EYS: variants seen among roughly 807,000 people sequenced by gnomAD.
The protein encoded by EYS is EGF-like photoreceptor maintenance factor.
In EYS, 250 loss-of-function variants were observed where a neutral mutation model predicts 282.1. The ratio of observed to expected loss-of-function variants is 0.89; its 90% CI spans 0.80 to 0.98. EYS has a LOEUF of 0.98. Among genes scored for constraint, EYS ranks in the 50% least tolerant of loss-of-function variants. The pLI, the probability that EYS is intolerant of heterozygous loss-of-function variation, is 0.00. For missense variants in EYS, 4,016 were observed against 3,709.0 expected, an observed-to-expected ratio of 1.08 and a Z score of -2.15; for synonymous variants, 1,355 against 1,282.9, an observed-to-expected ratio of 1.06 and a Z score of -1.20.
intron 26 of EYS, among the ~76,000 whole-genome samples, chr6:64,444,195 A>G (rs2150471180): frequency 6.6e-6 from 1 of 152,140 alleles, no homozygotes; most frequent in East Asian, 1.9e-4. Flanking sequence ...TTGTTTTCTA[A>G]TCTTTATTTT....
intron 29 of EYS, among the ~76,000 whole-genome samples, chr6:64,308,754 T>A (rs999807520): frequency 6.6e-6 from 1 of 152,028 alleles, no homozygotes; most frequent in Non-Finnish European, 1.5e-5. Context: ...AGGCTCAAAT[T>A]TACTGCAAAG....
chr6:65,204,540 A>G (rs1489349119), intron 12 of EYS, among the ~76,000 whole-genome samples: 2 of 151,992 alleles, frequency 1.3e-5, no homozygotes, highest in African/African-American at 4.8e-5. Flanking sequence ...TGCTCAAAAG[A>G]GTTCTAAACA....
intron 26 of EYS, among the ~76,000 whole-genome samples, chr6:64,466,090 A>T (rs899105569): frequency 1.3e-5 from 2 of 152,112 alleles, no homozygotes; most frequent in Admixed American, 1.3e-4. Context: ...TATCTAAAAG[A>T]TGAAAGATAA....
chr6:64,542,913 C>T (rs1031381263), intron 26 of EYS, among the ~76,000 whole-genome samples: 1 of 151,944 alleles, frequency 6.6e-6, no homozygotes, highest in Non-Finnish European at 1.5e-5. Flanking sequence ...TTTAATTTTA[C>T]CAAGAAACTC....
chr6:64,410,120 G>A (rs1407435110), intron 28 of EYS, among the ~76,000 whole-genome samples: 1 of 151,980 alleles, frequency 6.6e-6, no homozygotes, highest in Non-Finnish European at 1.5e-5. Flanking sequence ...GATAAAAAAA[G>A]AGATTCAGGG....
At chr6:63,965,313 C>G in intron 35 of EYS, among the ~76,000 whole-genome samples, 1 of 152,190 alleles carries the variant, frequency 6.6e-6, no homozygotes, top group South Asian at 2.1e-4. Context: ...CTTTGTGCAG[C>G]TGGCAGAAGA....
chr6:63,960,152 A>T (rs1038635567), intron 35 of EYS, among the ~76,000 whole-genome samples: 1 of 152,176 alleles, frequency 6.6e-6, no homozygotes, highest in African/African-American at 2.4e-5. Context: ...CATTAAGAAC[A>T]TCCATGGTTC....
In EYS at chr6:64,780,601, G is replaced by A. The variant is rs369189922; in HGVS notation, c.3443+32777C>T. ...TTATTGGGCGATGGATGCATTAGAA[G>A]CCAAACCTCACCATTATGCAATATA... On this transcript the variant is annotated intron_variant, in intron 22 of 42. Coordinates refer to ENST00000503581, the MANE Select transcript of EYS (RefSeq NM_001142800.2). Among the ~76,000 whole-genome samples the A allele has an allele frequency of 1.2e-3, 178 of 152,178 alleles. 1 individual carries two copies. Among genetic ancestry groups the A allele is most frequent in the African/African-American group, 3.9e-3 (162 of 41,518 alleles).
chr6:64,686,811 A>ATATATATGTGTATATATATACGTG (rs1562133883), intron 22 of EYS, among the ~76,000 whole-genome samples: 5 of 31,994 alleles, frequency 1.6e-4, no homozygotes, highest in Admixed American at 6.3e-4. Context: ...ATATGTGTGT[A>ATATATATGTGTATATATATACGTG]TATATATATG....
chr6:65,041,742 T>C lies in EYS; in HGVS notation c.2137+15872A>G, dbSNP rs1471665542. 4.6e-5 allele frequency among the ~76,000 whole-genome samples: 7 copies of C among 151,640 alleles called. No individual in the cohort carries two copies. In the South Asian group the frequency reaches 1.4e-3, roughly 31 times the overall value. On this transcript the variant is annotated intron_variant, in intron 13 of 42. Coordinates refer to ENST00000503581, the MANE Select transcript of EYS (RefSeq NM_001142800.2). ...TGAAATCTTAGCCTAGTTAATAAGG[T>C]CATGCTGTATATTTTCTATCTTTCA...
intron 26 of EYS, among the ~76,000 whole-genome samples, chr6:64,494,070 C>G (rs1776817455): frequency 6.6e-6 from 1 of 151,502 alleles, no homozygotes; most frequent in African/African-American, 2.4e-5. Flanking sequence ...CTTATTCACA[C>G]AGTGCTAGAA....
chr6:64,785,866 C>A (rs1562190803), intron 22 of EYS, among the ~76,000 whole-genome samples: 1 of 152,136 alleles, frequency 6.6e-6, no homozygotes, highest in Non-Finnish European at 1.5e-5. Flanking sequence ...TCAAGAATAG[C>A]AAATCCAGGT....
chr6:64,941,651 C>G (rs969289434), intron 15 of EYS, among the ~76,000 whole-genome samples: 7 of 151,986 alleles, frequency 4.6e-5, no homozygotes, highest in Non-Finnish European at 8.8e-5. Context: ...TATTACTGCC[C>G]TCTTTATGTC....
At chr6:64,295,458 A>G (rs149565268) in intron 30 of EYS, among the ~76,000 whole-genome samples, 1,465 of 23,020 alleles carry the variant, frequency 0.064, 1 homozygote, top group Middle Eastern at 0.095. Context: ...GAAGAAGAAG[A>G]AGAAGAAGAA....
At chr6:65,406,380 T>C (rs1766742149) in intron 5 of EYS, among the ~76,000 whole-genome samples, 1 of 152,226 alleles carries the variant, frequency 6.6e-6, no homozygotes, top group Non-Finnish European at 1.5e-5. Context: ...TGTTGACATT[T>C]GGATAGCAAA....
chr6:64,697,239 A>G (rs1472505534), intron 22 of EYS, among the ~76,000 whole-genome samples: 2 of 152,198 alleles, frequency 1.3e-5, no homozygotes, highest in Admixed American at 1.3e-4. Flanking sequence ...AATGAAAACT[A>G]AAAGAAGCTA....
At chr6:64,804,676 C>A (rs553560833) in intron 22 of EYS, among the ~76,000 whole-genome samples, 31 of 152,086 alleles carry the variant, frequency 2.0e-4, no homozygotes, top group Non-Finnish European at 3.5e-4. Context: ...ACTAAAGCAA[C>A]CTATGTTTGA....
chr6:65,480,936 T>C (rs991986430), intron 5 of EYS, among the ~76,000 whole-genome samples: 5 of 152,072 alleles, frequency 3.3e-5, no homozygotes, highest in African/African-American at 7.2e-5. Context: ...GTGAGTAGAA[T>C]TGTGAGTATT....
At chr6:65,081,255 T>C (rs1774223502) in intron 12 of EYS, among the ~76,000 whole-genome samples, 1 of 152,058 alleles carries the variant, frequency 6.6e-6, no homozygotes. Context: ...ACATTCCTTC[T>C]AGTAAATCAC....
Sources: allele counts gnomAD v4.1 joint callset (sites outside exome capture counted in the v4.1 genomes callset), GRCh38; gene constraint gnomAD v4.1.1; transcripts MANE v1.5; gene names NCBI Gene and HGNC (gene_info 2026-07-23, HGNC 2026-07-21).